Variants in PCDHA12 observed in about 807,000 individuals in gnomAD.
PCDHA12 encodes protocadherin alpha 12, also known as protocadherin alpha-12.
In PCDHA12, 44 loss-of-function variants were observed where a neutral mutation model predicts 60.0. The ratio of observed to expected loss-of-function variants is 0.73; its 90% CI spans 0.58 to 0.94. PCDHA12 has a LOEUF of 0.94. PCDHA12 is among the 40% of genes least tolerant of loss of function. The pLI is 0.00. For synonymous variants in PCDHA12, 569 were observed against 553.0 expected, an observed-to-expected ratio of 1.03 and a Z score of -0.40; for missense variants, 1,276 against 1,239.7, an observed-to-expected ratio of 1.03 and a Z score of -0.44.
chr5:140,891,931 G>A (rs2063313924), intron 1 of PCDHA12, among the ~76,000 whole-genome samples: 1 of 152,168 alleles, frequency 6.6e-6, no homozygotes, highest in Non-Finnish European at 1.5e-5. Flanking sequence ...CTTGATCTTG[G>A]ACTTCCCCTA....
intron 1 of PCDHA12, among the ~76,000 whole-genome samples, chr5:140,946,207 A>G (rs1435472095): frequency 2.0e-5 from 3 of 152,068 alleles, no homozygotes; most frequent in Non-Finnish European, 4.4e-5. Flanking sequence ...AAAGCACACA[A>G]ATGACCAACA....
intron 3 of PCDHA12, among the ~76,000 whole-genome samples, chr5:140,989,478 G>A (rs1319813384): frequency 2.0e-5 from 3 of 152,204 alleles, no homozygotes; most frequent in Admixed American, 6.5e-5. Context: ...CTCCTGGGAG[G>A]TGCTTGAACA....
At chr5:140,963,615 T>A (rs2095780964) in intron 1 of PCDHA12, among the ~76,000 whole-genome samples, 1 of 152,248 alleles carries the variant, frequency 6.6e-6, no homozygotes, top group African/African-American at 2.4e-5. Context: ...TGGGAAAGCT[T>A]AACTTTGTTG....
At chr5:140,882,065 A>C in intron 1 of PCDHA12, 1 of 831,114 alleles carries the variant, frequency 1.2e-6, no homozygotes, top group Non-Finnish European at 1.8e-6. Flanking sequence ...TTACACGTTC[A>C]TGCGCATGGT....
intron 1 of PCDHA12, among the ~76,000 whole-genome samples, chr5:140,945,918 C>T (rs782600130): frequency 1.2e-4 from 18 of 152,106 alleles, no homozygotes; most frequent in Admixed American, 2.6e-4. Context: ...ATCAATAACA[C>T]TGATCTGAGC....
intron 1 of PCDHA12, chr5:140,929,377 CTGT>C (rs782747382): frequency 6.6e-7 from 1 of 1,514,350 alleles, no homozygotes; most frequent in Non-Finnish European, 8.8e-7. Flanking sequence ...TGGCTGCTAG[CTGT>C]GTTTTGAAAT....
intron 1 of PCDHA12, among the ~76,000 whole-genome samples, chr5:140,925,577 C>T (rs931426226): frequency 2.6e-5 from 4 of 151,714 alleles, no homozygotes; most frequent in Non-Finnish European, 5.9e-5. Context: ...AGCACACCAA[C>T]ATGGCGCATG....
chr5:140,954,638 T>C (rs1297767818), intron 1 of PCDHA12, among the ~76,000 whole-genome samples: 2 of 152,212 alleles, frequency 1.3e-5, no homozygotes, highest in Non-Finnish European at 2.9e-5. Flanking sequence ...TTCTTGTAAA[T>C]TTGTTTAAGT....
At chr5:140,968,385 A>G (rs782234319) in intron 1 of PCDHA12, 11 of 1,613,904 alleles carry the variant, frequency 6.8e-6, no homozygotes, top group Non-Finnish European at 9.3e-6. Flanking sequence ...TTTGACTATG[A>G]GAAGTTTCGG....
chr5:140,972,987 T>C (rs2096567014), intron 1 of PCDHA12, among the ~76,000 whole-genome samples: 1 of 152,044 alleles, frequency 6.6e-6, no homozygotes, highest in Admixed American at 6.6e-5. Flanking sequence ...TAAGGTAGAT[T>C]CTGTGCATTT....
chr5:140,927,450 G>A (rs782619485), intron 1 of PCDHA12: 3 of 1,614,188 alleles, frequency 1.9e-6, no homozygotes, highest in South Asian at 1.1e-5. Context: ...CGGAGTTGGT[G>A]TTGGAGAAAG....
chr5:140,968,734 C>T, intron 1 of PCDHA12: 1 of 1,614,162 alleles, frequency 6.2e-7, no homozygotes, highest in Non-Finnish European at 8.5e-7. Flanking sequence ...GTAGCACTTT[C>T]AACCTGACCG....
intron 1 of PCDHA12, chr5:140,929,486 T>G (rs1258020318): frequency 8.8e-7 from 1 of 1,141,828 alleles, no homozygotes; most frequent in Non-Finnish European, 1.2e-6. Flanking sequence ...TATAGAAGTA[T>G]TAGAAGATTG....
At chr5:140,944,995 T>A (rs246062) in intron 1 of PCDHA12, among the ~76,000 whole-genome samples, 85,717 of 151,900 alleles carry the variant, frequency 0.56, 24,795 homozygotes, top group African/African-American at 0.69. Flanking sequence ...TCTGTAACGG[T>A]TGTGGGTCAT....
chr5:140,882,739 A>C (rs781997612), intron 1 of PCDHA12: 1 of 1,614,142 alleles, frequency 6.2e-7, no homozygotes, highest in East Asian at 2.2e-5. Flanking sequence ...TAGATGGCGC[A>C]TCCGATGCAG....
At chr5:140,987,997 T>C (rs2097277277) in intron 3 of PCDHA12, among the ~76,000 whole-genome samples, 1 of 152,212 alleles carries the variant, frequency 6.6e-6, no homozygotes, top group African/African-American at 2.4e-5. Flanking sequence ...TCTCTGATCC[T>C]TCCCCAGAAA....
intron 3 of PCDHA12, among the ~76,000 whole-genome samples, chr5:140,985,773 T>C (rs945442566): frequency 7.2e-6 from 1 of 138,872 alleles, no homozygotes; most frequent in South Asian, 2.4e-4. Context: ...ACAGTCTCGC[T>C]CTGTCGCCCA....
At chr5:141,000,421 ATTT>A (rs34755515) in intron 3 of PCDHA12, among the ~76,000 whole-genome samples, 361 of 27,888 alleles carry the variant, frequency 0.013, no homozygotes, top group East Asian at 0.018. Context: ...ATATATATAT[ATTT>A]TTTTTTTTTT....
At chr5:140,927,212 T>C (rs150770754) in intron 1 of PCDHA12, 20 of 1,614,012 alleles carry the variant, frequency 1.2e-5, no homozygotes, top group African/African-American at 1.1e-4. Flanking sequence ...CCGCTGGAGC[T>C]GCACAAGATT....
Sources: gnomAD v4.1 joint callset for allele counts (sites outside exome capture counted in the v4.1 genomes callset) on GRCh38, gnomAD v4.1.1 for gene constraint, MANE v1.5 for transcripts, NCBI Gene and HGNC (gene_info 2026-07-23, HGNC 2026-07-21) for gene names.